Variants in RERE observed in about 807,000 individuals in gnomAD.
RERE encodes the protein arginine-glutamic acid dipeptide repeats, also known as arginine-glutamic acid dipeptide repeats protein.
In RERE, 40 loss-of-function variants were observed where a neutral mutation model predicts 146.1. The observed-to-expected ratio is 0.27, with a 90% CI of 0.21 to 0.36. The LOEUF (loss-of-function observed/expected upper bound fraction) is 0.36, where lower values mean the gene tolerates loss of function less well. RERE is among the 10% of genes least tolerant of loss of function. RERE has a pLI of 1.00. For synonymous variants in RERE, 1,003 were observed against 866.0 expected, an observed-to-expected ratio of 1.16 and a Z score of -2.78; for missense variants, 1,933 against 2,138.7, an observed-to-expected ratio of 0.90 and a Z score of 1.90.
intron 1 of RERE, among the ~76,000 whole-genome samples, chr1:8,794,381 A>AG (rs1641427079): frequency 1.3e-5 from 2 of 150,226 alleles, no homozygotes; most frequent in Admixed American, 6.6e-5. Context: ...AAAAAAAAAA[A>AG]GCCTCTGAAA....
chr1:8,403,924 G>A (rs1046282451), intron 12 of RERE, among the ~76,000 whole-genome samples: 5 of 135,648 alleles, frequency 3.7e-5, no homozygotes, highest in Admixed American at 9.0e-5. Flanking sequence ...TCCATCTCGC[G>A]GGTTTAAGTG....
intron 10 of RERE, among the ~76,000 whole-genome samples, chr1:8,489,183 G>GAAAC (rs899299532): frequency 1.3e-5 from 2 of 151,710 alleles, no homozygotes; most frequent in South Asian, 2.1e-4. Flanking sequence ...GTCACTAGAA[G>GAAAC]AAACAAACAA....
At chr1:8,643,138 A>T (rs1570554059) in intron 2 of RERE, among the ~76,000 whole-genome samples, 2 of 152,332 alleles carry the variant, frequency 1.3e-5, no homozygotes, top group East Asian at 3.9e-4. Flanking sequence ...CCAAGAATTG[A>T]AAATCCTAGT....
chr1:8,429,214 A>G (rs1484762516), intron 11 of RERE, among the ~76,000 whole-genome samples: 1 of 152,216 alleles, frequency 6.6e-6, no homozygotes, highest in Non-Finnish European at 1.5e-5. Context: ...AGGTGGGAAA[A>G]GTAACCATGT....
intron 1 of RERE, among the ~76,000 whole-genome samples, chr1:8,696,006 A>G (rs1389248053): frequency 1.3e-5 from 2 of 152,006 alleles, no homozygotes; most frequent in Non-Finnish European, 2.9e-5. Flanking sequence ...CATCAGAGAG[A>G]TGCAAATCAA....
Position 8,422,780 on chromosome 1 carries a change from A to T in RERE, c.1231T>A (p.Tyr411Asn). The change falls in exon 12 of 23, where the codon TAC becomes AAC. Residue 411 changes from tyrosine to asparagine, a missense_variant. By Grantham distance (143) the Tyr-to-Asn change is moderately radical (BLOSUM62 -2). Around this residue, in one of 11 missense-constraint regions of RERE, gnomAD observed 260 missense variants for 378.4 expected, o/e 0.69. Transcript: ENST00000400908. ...VKRFVKGLRQ[Y>N]GKNFFRIRKE... ...CTAATTCTGAAGAAGTTCTTCCCGT[A>T]CTGCCTGAGTCCCTTAACGAAGCGT... 6.2e-7 allele frequency: 1 copy of T among 1,614,062 alleles called. No individual in the cohort carries two copies. Among genetic ancestry groups the T allele is most frequent in the Non-Finnish European group, 8.5e-7 (1 of 1,179,896 alleles).
rs891912630 is a variant in RERE at position 8,406,822 on chromosome 1, G to T, written c.1284+15905C>A. On this transcript the variant is annotated intron_variant, in intron 12 of 22. Coordinates refer to ENST00000400908, the MANE Select transcript of RERE (RefSeq NM_001042681.2). ...GTGAGGATCTTAAAAAACCTAAGAA[G>T]TACTACGTACATATATAATTTTAGA... is the stretch of plus-strand genomic sequence containing the variant. 1.3e-5 allele frequency among the ~76,000 whole-genome samples: 2 copies of T among 151,838 alleles called. 1 individual carries two copies. The highest frequency in any genetic ancestry group is 4.2e-4 in the South Asian group (2 of 4,818).
chr1:8,758,646 CT>C (rs1557524971), intron 1 of RERE, among the ~76,000 whole-genome samples: 1 of 151,462 alleles, frequency 6.6e-6, no homozygotes. Context: ...CCTCATCAAC[CT>C]TTTTTTTGAA....
chr1:8,388,602 A>G (rs1267959738), intron 12 of RERE, among the ~76,000 whole-genome samples: 3 of 151,642 alleles, frequency 2.0e-5, no homozygotes, highest in East Asian at 1.9e-4. Context: ...TACAGGCGTG[A>G]GCCACCGCGC....
intron 7 of RERE, among the ~76,000 whole-genome samples, chr1:8,540,971 AT>A (rs1323110083): frequency 6.6e-6 from 1 of 152,166 alleles, no homozygotes; most frequent in Non-Finnish European, 1.5e-5. Context: ...TTCAACCCAA[AT>A]TTTCTCATTT....
intron 4 of RERE, among the ~76,000 whole-genome samples, chr1:8,596,366 T>A (rs1013752609): frequency 7.9e-5 from 12 of 152,210 alleles, no homozygotes; most frequent in Non-Finnish European, 1.6e-4. Context: ...AGATTTGTCT[T>A]TTAAAAAGCT....
intron 11 of RERE, among the ~76,000 whole-genome samples, chr1:8,438,599 C>T (rs1644202735): frequency 6.6e-6 from 1 of 152,162 alleles, no homozygotes; most frequent in African/African-American, 2.4e-5. Context: ...GGAACACAGG[C>T]ATCAGGAGAG....
At chr1:8,701,412 C>A (rs1639448474) in intron 1 of RERE, among the ~76,000 whole-genome samples, 1 of 152,056 alleles carries the variant, frequency 6.6e-6, no homozygotes, top group Admixed American at 6.6e-5. Flanking sequence ...TATAAAAACA[C>A]ACACACAAAG....
intron 12 of RERE, among the ~76,000 whole-genome samples, chr1:8,369,508 T>TTAAAAAAAAAAAAAAAAAAAAAA (rs1285019668): frequency 1.3e-5 from 1 of 76,892 alleles, no homozygotes; most frequent in Non-Finnish European, 2.6e-5. Context: ...CGCCTTTTAC[T>TTAAAAAAAAAAAAAAAAAAAAAA]AAAAAAAAAA....
intron 1 of RERE, among the ~76,000 whole-genome samples, chr1:8,663,516 A>G (rs1439402746): frequency 6.6e-6 from 1 of 152,148 alleles, no homozygotes; most frequent in Non-Finnish European, 1.5e-5. Flanking sequence ...ATCATCCCTC[A>G]TGCAGATGAA....
At chr1:8,638,717 C>T (rs966497345) in intron 2 of RERE, among the ~76,000 whole-genome samples, 1 of 151,366 alleles carries the variant, frequency 6.6e-6, no homozygotes, top group Admixed American at 6.6e-5. Context: ...AATTTTATTC[C>T]TTGAAAATGT....
At chr1:8,493,186 A>T (rs992836043) in intron 10 of RERE, among the ~76,000 whole-genome samples, 2 of 152,224 alleles carry the variant, frequency 1.3e-5, no homozygotes, top group African/African-American at 4.8e-5. Flanking sequence ...ACAGACATTC[A>T]TATCTAACCT....
intron 12 of RERE, among the ~76,000 whole-genome samples, chr1:8,376,161 C>T (rs1055636426): frequency 6.6e-6 from 1 of 152,154 alleles, no homozygotes; most frequent in African/African-American, 2.4e-5. Context: ...AGGAAATAGC[C>T]ATCTAGATTT....
At chr1:8,388,436 C>T (rs1642760538) in intron 12 of RERE, among the ~76,000 whole-genome samples, 1 of 152,152 alleles carries the variant, frequency 6.6e-6, no homozygotes, top group African/African-American at 2.4e-5. Flanking sequence ...TCTCCTGCCT[C>T]AGCCTCCTGA....
Sources: allele counts gnomAD v4.1 joint callset (sites outside exome capture counted in the v4.1 genomes callset), GRCh38; gene constraint gnomAD v4.1.1; regional missense constraint gnomAD v4.1.1; transcripts MANE v1.5; gene names NCBI Gene and HGNC (gene_info 2026-07-23, HGNC 2026-07-21).